The following PLEKHA3 variants were observed in gnomAD, a reference collection of about 807,000 sequenced individuals.
The protein encoded by PLEKHA3 is pleckstrin homology domain containing A3, also known as pleckstrin homology domain-containing family A member 3.
In PLEKHA3, 19 loss-of-function variants were observed where a neutral mutation model predicts 39.2. The observed-to-expected ratio is 0.48, with a 90% CI of 0.34 to 0.71. The LOEUF is 0.71. Among genes scored for constraint, PLEKHA3 ranks in the 30% least tolerant of loss-of-function variants. The pLI, the probability that PLEKHA3 is intolerant of heterozygous loss-of-function variation, is 0.01. For missense variants in PLEKHA3, 253 were observed against 359.5 expected (o/e 0.70, Z 2.40); for synonymous variants, 97 against 118.6 (o/e 0.82, Z 1.18).
chr2:178,499,251 A>G lies in PLEKHA3; in HGVS notation c.656A>G (p.Glu219Gly). ...SVSHPGSCSS[E>G]RSSHSIKEPV... ...AGCCACCCTGGTTCTTGCAGTTCAG[A>G]GAGGTAAAAGAACCTTTTCTTCTGA... The change falls in exon 6 of 8, where the codon GAG (glutamate) becomes GGG (glycine). Residue 219 changes from glutamate to glycine, a missense_variant. This residue lies in a region of PLEKHA3 where 127 missense variants were observed against 136.8 expected (regional missense o/e 0.93). Transcript: ENST00000234453. 1 of 1,611,124 alleles carries G rather than the reference A, an allele frequency of 6.2e-7. No individual in the cohort carries two copies. Among genetic ancestry groups the G allele is most frequent in the East Asian group, 2.2e-5 (1 of 44,826 alleles).
intron 7 of PLEKHA3, 30 bp from the exon 8 acceptor site, chr2:178,503,730 T>C: frequency 1.2e-6 from 2 of 1,606,064 alleles, no homozygotes; most frequent in Non-Finnish European, 1.7e-6. Flanking sequence ...ATTGACAGGA[T>C]GTTTAACGTT....
chr2:178,489,271 A>G (rs1326623427), intron 2 of PLEKHA3, among the ~76,000 whole-genome samples: 1 of 152,186 alleles, frequency 6.6e-6, no homozygotes, highest in Non-Finnish European at 1.5e-5. Context: ...AAGTAGAATA[A>G]TAAGATAGCA....
Position 178,511,660 on chromosome 2 carries a change from C to A in PLEKHA3, c.*7773C>A, listed in dbSNP as rs866793411. ...TGCTGGGATTACAGGCGGGAGCCAC[C>A]GTGCCCGACCTGACCTCTCCATCTT... On this transcript the variant is annotated 3_prime_UTR_variant, in exon 8 of 8. Coordinates refer to ENST00000234453, the MANE Select transcript of PLEKHA3 (RefSeq NM_019091.4). 1 of 152,028 alleles carries A rather than the reference C, an allele frequency of 6.6e-6. No homozygotes were observed. Among genetic ancestry groups the A allele is most frequent in the African/African-American group, 2.4e-5 (1 of 41,348 alleles). 9.4% of individuals were successfully genotyped at this position (152,028 alleles called of 1,614,324 possible).
In PLEKHA3 at chr2:178,505,038, C is replaced by T. The variant is rs550675323; in HGVS notation, c.*1151C>T. ...AAGTTAATCATATGTTTAATAAATG[C>T]GTGGTTTTTGCATTCAAACACATCA... On this transcript the variant is annotated 3_prime_UTR_variant, in exon 8 of 8. Transcript: ENST00000234453. 4.6e-5 allele frequency: 7 copies of T among 152,250 alleles called. No homozygotes were observed. The highest frequency in any genetic ancestry group is 4.1e-4 in the South Asian group (2 of 4,828). 9.4% of individuals were successfully genotyped at this position (152,250 alleles called of 1,614,324 possible). A position where few individuals can be genotyped will look rare whatever the true frequency, so the allele number is the denominator to read the frequency against.
At chr2:178,494,386 A>G (rs558247773) in intron 4 of PLEKHA3, among the ~76,000 whole-genome samples, 1 of 152,304 alleles carries the variant, frequency 6.6e-6, no homozygotes, top group East Asian at 1.9e-4. Context: ...AAATAACTTA[A>G]AACAAATCCT....
At chr2:178,503,691 A>G (rs1685565160) in intron 7 of PLEKHA3, 69 bp from the exon 8 acceptor site, 3 of 1,493,424 alleles carry the variant, frequency 2.0e-6, no homozygotes, top group Non-Finnish European at 2.7e-6. Context: ...GAAATTTAAA[A>G]TGTTCTTTCA....
chr2:178,484,500 T>G (rs9967820), intron 1 of PLEKHA3, among the ~76,000 whole-genome samples: 25,195 of 152,190 alleles, frequency 0.17, 2,781 homozygotes, highest in East Asian at 0.62. Flanking sequence ...AATTAAGTCC[T>G]GGATCTGTAT....
intron 1 of PLEKHA3, among the ~76,000 whole-genome samples, chr2:178,481,316 AT>A (rs1190839279): frequency 6.6e-6 from 1 of 152,162 alleles, no homozygotes; most frequent in Admixed American, 6.5e-5. Flanking sequence ...ACAAGATTTA[AT>A]TTTAATTCTT....
Position 178,515,557 on chromosome 2 carries a change from G to A in PLEKHA3, c.*11670G>A, listed in dbSNP as rs1685749357. The A allele has an allele frequency of 6.6e-6, 1 of 152,160 alleles. No homozygotes were observed. The allele number at this position is 152,160 out of a possible 1,614,324, so 9.4% of individuals were successfully genotyped here. On this transcript the variant is annotated 3_prime_UTR_variant, in exon 8 of 8. Coordinates refer to ENST00000234453, the MANE Select transcript of PLEKHA3 (RefSeq NM_019091.4). ...AAAAGAAAATAATCACTTGGGAATG[G>A]CGGTGAGTTCAGGGGGTCTGTTAAC...
chr2:178,502,659 C>A (rs1685542543), intron 7 of PLEKHA3, among the ~76,000 whole-genome samples: 1 of 149,004 alleles, frequency 6.7e-6, no homozygotes, highest in South Asian at 2.1e-4. Context: ...ATCCATTTTT[C>A]TTTAGAATTC....
chr2:178,480,957 C>T (rs1685151784), intron 1 of PLEKHA3, 48 bp downstream of exon 1: 1 of 1,301,776 alleles, frequency 7.7e-7, no homozygotes, highest in Non-Finnish European at 9.9e-7. Flanking sequence ...CGGGGGGCTG[C>T]TGAGAAGGCG....
At position 178,508,065 on chromosome 2, in the gene PLEKHA3, G is replaced by A. The variant is rs1309199588; in HGVS notation, c.*4178G>A. 1 of 152,730 alleles carries A rather than the reference G, an allele frequency of 6.5e-6. No individual in the cohort carries two copies. The highest frequency in any genetic ancestry group is 1.9e-4 in the East Asian group (1 of 5,166). 9.5% of individuals were successfully genotyped at this position (152,730 alleles called of 1,614,324 possible). A position where few individuals can be genotyped will look rare whatever the true frequency, so the allele number is the denominator to read the frequency against. ...TTCAGTTCTGGGTGTGTGTGTGTGT[G>A]TGTGTGTGTGTGTGTGTGTGTGTGA... On this transcript the variant is annotated 3_prime_UTR_variant, in exon 8 of 8. Coordinates refer to ENST00000234453, the MANE Select transcript of PLEKHA3 (RefSeq NM_019091.4).
At chr2:178,489,144 T>C in intron 2 of PLEKHA3, 1 of 304,196 alleles carries the variant, frequency 3.3e-6, no homozygotes, top group Non-Finnish European at 6.5e-6. Context: ...AAGGAAGAGT[T>C]ACTCTTATAG....
At chr2:178,490,156 A>G (rs1553604016) in intron 2 of PLEKHA3, among the ~76,000 whole-genome samples, 1 of 152,218 alleles carries the variant, frequency 6.6e-6, no homozygotes, top group South Asian at 2.1e-4. Flanking sequence ...TCTTCAAAAT[A>G]TACATGCCTT....
At chr2:178,493,134 G>A (rs1158554731) in intron 3 of PLEKHA3, among the ~76,000 whole-genome samples, 1 of 152,190 alleles carries the variant, frequency 6.6e-6, no homozygotes, top group African/African-American at 2.4e-5. Flanking sequence ...TTCCTCCTCT[G>A]TAGCTTATAC....
chr2:178,481,007 C>G, intron 1 of PLEKHA3, 98 bp downstream of exon 1: 1 of 1,140,526 alleles, frequency 8.8e-7, no homozygotes, highest in Non-Finnish European at 1.1e-6. Context: ...TCCGCGGACC[C>G]TCAGAGCGAA....
chr2:178,511,450 T>G lies in PLEKHA3; in HGVS notation c.*7563T>G, dbSNP rs899199451. On this transcript the variant is annotated 3_prime_UTR_variant, in exon 8 of 8. Coordinates refer to ENST00000234453, the MANE Select transcript of PLEKHA3 (RefSeq NM_019091.4). ...GTGCAGTGACACGATCTTGGCTCAC[T>G]GCAACCTCCACCTCCGGGGCTCAAG... 1 of 151,556 alleles carries G rather than the reference T, an allele frequency of 6.6e-6. No individual in the cohort carries two copies. Among genetic ancestry groups the G allele is most frequent in the Admixed American group, 6.6e-5 (1 of 15,160 alleles). 9.4% of individuals were successfully genotyped at this position (151,556 alleles called of 1,614,324 possible).
In PLEKHA3 at chr2:178,507,270, A is replaced by T. The variant is rs1685618243; in HGVS notation, c.*3383A>T. The T allele has an allele frequency of 6.6e-6, 1 of 152,136 alleles. No homozygotes were observed. The highest frequency in any genetic ancestry group is 1.9e-4 in the East Asian group (1 of 5,188). 9.4% of individuals were successfully genotyped at this position (152,136 alleles called of 1,614,324 possible). Reference sequence around the variant, plus strand: ...TCTTCCCCCACCCCTCCCAAAATAGATTTATATTCACACAACTTTTAGTTA... The same window carrying T: ...TCTTCCCCCACCCCTCCCAAAATAGTTTTATATTCACACAACTTTTAGTTA... On this transcript the variant is annotated 3_prime_UTR_variant, in exon 8 of 8. Coordinates refer to ENST00000234453, the MANE Select transcript of PLEKHA3 (RefSeq NM_019091.4).
In PLEKHA3 at chr2:178,496,913, C is replaced by G. The variant is rs913311131; in HGVS notation, c.615+1253C>G. Among the ~76,000 whole-genome samples the G allele has an allele frequency of 5.3e-5, 8 of 151,706 alleles. No individual in the cohort carries two copies. The East Asian group carries it at 1.5e-3, about 29-fold the overall frequency. On this transcript the variant is annotated intron_variant, in intron 5 of 7. Coordinates refer to ENST00000234453, the MANE Select transcript of PLEKHA3 (RefSeq NM_019091.4). ...AGATGGGGGGGGTCTCATTTTGTTGCCCAAGCTGGTCTCAAACTCCTGGCT... is the reference window on the plus strand; with the variant it reads ...AGATGGGGGGGGTCTCATTTTGTTGGCCAAGCTGGTCTCAAACTCCTGGCT...
Sources: allele counts gnomAD v4.1 joint callset (sites outside exome capture counted in the v4.1 genomes callset), GRCh38; gene constraint gnomAD v4.1.1; regional missense constraint gnomAD v4.1.1; transcripts MANE v1.5; gene names NCBI Gene and HGNC (gene_info 2026-07-23, HGNC 2026-07-21).